Variants in UGT2A3 observed in about 807,000 individuals in gnomAD.
UGT2A3 encodes UDP-glucuronosyltransferase 2A3.
Under a neutral mutation model 44.1 loss-of-function variants are expected in UGT2A3, and 55 were observed. The observed-to-expected ratio is 1.25, with a 90% CI of 1.00 to 1.56. UGT2A3 has a LOEUF of 1.56. Ranked by LOEUF, UGT2A3 falls within the 40% of genes most tolerant of loss-of-function variation. UGT2A3 has a pLI of 0.00. For missense variants in UGT2A3, 733 were observed against 621.6 expected (o/e 1.18, Z -1.91); for synonymous variants, 243 against 215.1 (o/e 1.13, Z -1.13).
At chr4:68,945,280 A>C (rs202159668) in intron 2 of UGT2A3, 26 bp downstream of exon 2, 12 of 1,609,134 alleles carry the variant, frequency 7.5e-6, no homozygotes, top group Non-Finnish European at 1.0e-5. Context: ...TAAAGTACAT[A>C]ATATTCCTTA....
intron 2 of UGT2A3, among the ~76,000 whole-genome samples, chr4:68,944,315 G>A (rs541358429): frequency 4.6e-5 from 7 of 151,808 alleles, no homozygotes; most frequent in African/African-American, 1.7e-4. Context: ...GCATTAGGCT[G>A]TTCATCAGAA....
intron 2 of UGT2A3, among the ~76,000 whole-genome samples, chr4:68,935,542 A>T (rs1717917872): frequency 6.6e-6 from 1 of 151,736 alleles, no homozygotes; most frequent in African/African-American, 2.4e-5. Context: ...TCCACACCAA[A>T]ACCCCATCTG....
At chr4:68,935,773 G>A (rs564477783) in intron 2 of UGT2A3, among the ~76,000 whole-genome samples, 6 of 152,146 alleles carry the variant, frequency 3.9e-5, no homozygotes, top group Non-Finnish European at 7.4e-5. Flanking sequence ...CTGAGCTAAA[G>A]GAGCATGTTC....
chr4:68,941,745 A>G (rs775517029), intron 2 of UGT2A3, among the ~76,000 whole-genome samples: 24 of 151,946 alleles, frequency 1.6e-4, no homozygotes, highest in Non-Finnish European at 3.4e-4. Flanking sequence ...TCTGACAATA[A>G]GTTACCATCT....
chr4:68,930,465 C>G (rs1717687440), intron 5 of UGT2A3, 81 bp downstream of exon 5: 1 of 1,302,878 alleles, frequency 7.7e-7, no homozygotes, highest in Non-Finnish European at 1.1e-6. Context: ...AACATGTCTA[C>G]CAGGATGATA....
intron 2 of UGT2A3, among the ~76,000 whole-genome samples, chr4:68,940,335 T>C (rs1202050150): frequency 6.6e-6 from 1 of 152,112 alleles, no homozygotes; most frequent in Non-Finnish European, 1.5e-5. Flanking sequence ...TAAGAAAACG[T>C]AGCACATATA....
At position 68,942,298 on chromosome 4, in the gene UGT2A3, T is replaced by G. The variant is rs529477123; in HGVS notation, c.864+3008A>C. On this transcript the variant is annotated intron_variant, in intron 2 of 5. Coordinates refer to ENST00000251566, the MANE Select transcript of UGT2A3 (RefSeq NM_024743.4). The stretch of plus-strand genomic sequence containing the variant: ...ATATATATGTCCATTCCATTGGATA[T>G]ATATACACACATTTGAAAATATCTC... Among the ~76,000 whole-genome samples, 10 of 148,396 alleles carry G rather than the reference T, an allele frequency of 6.7e-5. 1 individual carries two copies. The South Asian group carries it at 2.1e-3, about 31-fold the overall frequency.
At chr4:68,942,722 TAGAG>T (rs1431275318) in intron 2 of UGT2A3, among the ~76,000 whole-genome samples, 1 of 151,316 alleles carries the variant, frequency 6.6e-6, no homozygotes, top group African/African-American at 2.4e-5. Context: ...ATAATATAAT[TAGAG>T]AGTAGAATTG....
At chr4:68,941,847 A>G (rs1172576305) in intron 2 of UGT2A3, among the ~76,000 whole-genome samples, 1 of 151,970 alleles carries the variant, frequency 6.6e-6, no homozygotes, top group Non-Finnish European at 1.5e-5. Context: ...ACTTCTCAAA[A>G]GAAGACTATC....
chr4:68,945,585 A>G, intron 1 of UGT2A3, 131 bp from the exon 2 acceptor site: 1 of 492,612 alleles, frequency 2.0e-6, no homozygotes. Flanking sequence ...TTAGACGTCA[A>G]ATGGAAGGGG....
At chr4:68,945,218 C>T (rs1683417871) in intron 2 of UGT2A3, 88 bp downstream of exon 2, 3 of 1,491,146 alleles carry the variant, frequency 2.0e-6, no homozygotes, top group African/African-American at 1.4e-5. Context: ...CATTCAACAT[C>T]ATCCTTCTAT....
At position 68,931,373 on chromosome 4, in the gene UGT2A3, C is replaced by T. The variant is rs562908828; in HGVS notation, c.997-131G>A. On this transcript the variant is annotated intron_variant, in intron 3 of 5. Transcript: ENST00000251566. The stretch of plus-strand genomic sequence containing the variant: ...GTTGAGACAGGGGTGTGTAGAGCTA[C>T]CGCGTAAAGACTGAAAGATATAGTA... 5 of 619,650 alleles carry T rather than the reference C, an allele frequency of 8.1e-6. No homozygotes were observed. In the Admixed American group the frequency reaches 1.0e-4, roughly 12 times the overall value. 38.4% of individuals were successfully genotyped at this position (619,650 alleles called of 1,614,324 possible).
At chr4:68,941,638 G>A (rs1334287629) in intron 2 of UGT2A3, among the ~76,000 whole-genome samples, 1 of 151,872 alleles carries the variant, frequency 6.6e-6, no homozygotes, top group African/African-American at 2.4e-5. Flanking sequence ...GTAGATAAAC[G>A]GGTTATATCA....
chr4:68,934,884 T>G (rs561751516), intron 2 of UGT2A3, among the ~76,000 whole-genome samples: 1 of 151,678 alleles, frequency 6.6e-6, no homozygotes, highest in Non-Finnish European at 1.5e-5. Flanking sequence ...TCTTAAGGAT[T>G]CTTAAAAAAA....
At chr4:68,950,044 C>A (rs1201993011) in intron 1 of UGT2A3, among the ~76,000 whole-genome samples, 3 of 151,750 alleles carry the variant, frequency 2.0e-5, no homozygotes, top group African/African-American at 7.3e-5. Context: ...TTACTATAAT[C>A]CTATTTTACC....
chr4:68,943,320 T>G (rs747978161), intron 2 of UGT2A3: 3 of 1,272,188 alleles, frequency 2.4e-6, no homozygotes, highest in Non-Finnish European at 3.1e-6. Context: ...CCTTCTGTAT[T>G]TCTATTTTAG....
At chr4:68,946,402 C>T (rs529628329) in intron 1 of UGT2A3, among the ~76,000 whole-genome samples, 10 of 151,370 alleles carry the variant, frequency 6.6e-5, no homozygotes, top group Admixed American at 1.3e-4. Context: ...AATCCAAACG[C>T]CTTGAATTTG....
intron 2 of UGT2A3, among the ~76,000 whole-genome samples, chr4:68,933,999 G>A (rs1212706869): frequency 6.6e-6 from 1 of 151,910 alleles, no homozygotes; most frequent in Non-Finnish European, 1.5e-5. Context: ...GCTGAATCAG[G>A]TGGTTATCTT....
chr4:68,930,042 A>G lies in UGT2A3; in HGVS notation c.1355T>C (p.Val452Ala). 2 of 1,613,358 alleles carry G rather than the reference A, an allele frequency of 1.2e-6. No individual in the cohort carries two copies. Among genetic ancestry groups the G allele is most frequent in the Non-Finnish European group, 1.7e-6 (2 of 1,179,594 alleles). The change falls in exon 6 of 6, where the codon GTA becomes GCA. Residue 452 changes from valine (V) to alanine (A), a missense_variant. By Grantham distance (64) the Val-to-Ala change is moderately conservative. Transcript: ENST00000251566. The part of the protein sequence containing the change: ...RLSRIHHDQP[V>A]KPLDRAVFWI... ...GAAGACTGCTCGATCTAGGGGCTTTACAGGTTGATCATGGTGAATTCTTGA... is the reference window on the plus strand; with the variant it reads ...GAAGACTGCTCGATCTAGGGGCTTTGCAGGTTGATCATGGTGAATTCTTGA...
Sources: gnomAD v4.1 joint callset for allele counts (sites outside exome capture counted in the v4.1 genomes callset) on GRCh38, gnomAD v4.1.1 for gene constraint, MANE v1.5 for transcripts, NCBI Gene and HGNC (gene_info 2026-07-23, HGNC 2026-07-21) for gene names.